Variants in MED12 observed in about 807,000 individuals in gnomAD.
The protein encoded by MED12 is mediator of RNA polymerase II transcription subunit 12.
Under a neutral mutation model 177.7 loss-of-function variants are expected in MED12, and 10 were observed. The observed-to-expected ratio is 0.06, with a 90% confidence interval of 0.03 to 0.10. The LOEUF (loss-of-function observed/expected upper bound fraction) is 0.10, where lower values mean the gene tolerates loss of function less well. Ranked by LOEUF, MED12 falls within the 10% of genes least tolerant of loss-of-function variation. MED12 has a pLI of 1.00. For synonymous variants in MED12, 641 were observed against 678.4 expected, an observed-to-expected ratio of 0.94 and a Z score of 0.86; for missense variants, 867 against 1,780.8, an observed-to-expected ratio of 0.49 and a Z score of 9.23.
At chrX:71,130,348 T>C (rs1481475781) in intron 28 of MED12, 134 bp downstream of exon 28, 19 of 600,397 alleles carry the variant, frequency 3.2e-5, no homozygotes, top group Non-Finnish European at 4.1e-5. Flanking sequence ...AGGGGAGAGG[T>C]AGCGAGAGAA....
chrX:71,126,157 G>T lies in MED12; in HGVS notation c.2541+3G>T. ...ACCAACACCAGGTCACGGCTCAGGT[G>T]TGGGCCTAAGCCCAGCCCCTTTCCC... On this transcript the variant is annotated splice_donor_region_variant and intron_variant, in intron 18 of 44. Coordinates refer to ENST00000374080, the MANE Select transcript of MED12 (RefSeq NM_005120.3). 8.4e-7 allele frequency: 1 copy of T among 1,189,355 alleles called. No individual in the cohort carries two copies. The highest frequency in any genetic ancestry group is 3.0e-5 in the East Asian group (1 of 33,775).
In MED12 at chrX:71,120,041, G is replaced by A. The variant is rs1382611492; in HGVS notation, c.424G>A (p.Val142Met). The change falls in exon 4 of 45, where the codon GTG becomes ATG. Residue 142 changes from valine (V) to methionine (M), a missense_variant. Transcript: ENST00000374080. ...CCCCATTTTCAGTAAGAAGGAAGAG[G>A]TGTTTGGGTACTTAGCCAAATACAC... ...KVPIFSKKEEVFGYLAKYTVP... is the reference protein window; with the variant it reads ...KVPIFSKKEEMFGYLAKYTVP... The A allele has an allele frequency of 8.3e-7, 1 of 1,211,838 alleles. No homozygotes were observed. The highest frequency in any genetic ancestry group is 3.0e-5 in the East Asian group (1 of 33,843).
intron 15 of MED12, 44 bp from the exon 16 acceptor site, chrX:71,125,307 G>A (rs761334052): frequency 1.7e-6 from 2 of 1,209,434 alleles, no homozygotes; most frequent in East Asian, 5.9e-5. Context: ...CAAGAGGAGG[G>A]AAGGAGATCG....
Position 71,130,228 on chromosome X carries a change from G to T in MED12, c.4047+14G>T, listed in dbSNP as rs774488297. On this transcript the variant is annotated intron_variant, in intron 28 of 44. Coordinates refer to ENST00000374080, the MANE Select transcript of MED12 (RefSeq NM_005120.3). ...CGCATTCTCCAGGTAGGCCAAGGCC[G>T]TGGGGGCTGTGGAGGAAGCAGTGGG... The T allele has an allele frequency of 8.4e-7, 1 of 1,196,183 alleles. No individual in the cohort carries two copies. Among genetic ancestry groups the T allele is most frequent in the South Asian group, 1.8e-5 (1 of 54,901 alleles).
At chrX:71,123,911 A>G (rs1008014795) in intron 12 of MED12, among the ~76,000 whole-genome samples, 191 bp downstream of exon 12, 2 of 112,810 alleles carry the variant, frequency 1.8e-5, no homozygotes, top group Non-Finnish European at 3.7e-5. Context: ...AGAGAAATAC[A>G]GAGAAGGATA....
rs1459490134 is a variant in MED12 at position 71,121,088 on chromosome X, A to G, written c.671A>G (p.His224Arg). 4 of 1,211,003 alleles carry G rather than the reference A, an allele frequency of 3.3e-6. No individual in the cohort carries two copies. The highest frequency in any genetic ancestry group is 1.8e-5 in the South Asian group (1 of 56,883). Residue 224 changes from histidine (H) to arginine (R), a missense_variant, in exon 5 of 45, where the codon CAT becomes CGT. Transcript: ENST00000374080. Reference sequence around the variant, plus strand: ...GGTTCCACGATAGGGCCCTTGCCCCATGATGTAGAGGTGGCAATCCGGCAG... The same window carrying G: ...GGTTCCACGATAGGGCCCTTGCCCCGTGATGTAGAGGTGGCAATCCGGCAG... ...GCGSTIGPLP[H>R]DVEVAIRQWD... is the part of the protein sequence containing the mutation.
intron 42 of MED12, among the ~76,000 whole-genome samples, 182 bp downstream of exon 42, chrX:71,141,039 A>G (rs952769339): frequency 1.8e-5 from 2 of 109,855 alleles, no homozygotes; most frequent in Non-Finnish European, 3.8e-5. Context: ...TGGGGATCAT[A>G]GTGGGAGAGA....
At position 71,131,946 on chromosome X, in the gene MED12, G is replaced by A. The variant is rs569708407; in HGVS notation, c.4120-127G>A. The A allele has an allele frequency of 6.5e-6, 4 of 619,946 alleles. No homozygotes were observed. The African/African-American group carries it at 6.6e-5, about 10-fold the overall frequency. 51.1% of individuals were successfully genotyped at this position (619,946 alleles called of 1,213,427 possible). On this transcript the variant is annotated intron_variant, in intron 29 of 44. Coordinates refer to ENST00000374080, the MANE Select transcript of MED12 (RefSeq NM_005120.3). ...AGGGCATGATTCCCAACAGAGTTGC[G>A]TTCCTATCTCCCCATCAATCTCCGC...
At chrX:71,123,891 TAAAC>T (rs1348433693) in intron 12 of MED12, among the ~76,000 whole-genome samples, 171 bp downstream of exon 12, 2 of 112,599 alleles carry the variant, frequency 1.8e-5, no homozygotes, top group Admixed American at 9.4e-5. Flanking sequence ...ATCTTACAGT[TAAAC>T]AGAGTAGAGA....
rs770596568 is a variant in MED12 at position 71,126,953 on chromosome X, C to A, written c.2686-16C>A. On this transcript the variant is annotated splice_polypyrimidine_tract_variant and intron_variant, in intron 19 of 44. Coordinates refer to ENST00000374080, the MANE Select transcript of MED12 (RefSeq NM_005120.3). ...AGGGGCCTCTTTGCATTTCTCACCC[C>A]CGTTTACTCTGCTAGCTGCTGAATG... The A allele has an allele frequency of 7.5e-6, 9 of 1,206,729 alleles. No homozygotes were observed. The highest frequency in any genetic ancestry group is 1.7e-5 in the African/African-American group (1 of 57,201).
intron 7 of MED12, 135 bp downstream of exon 7, chrX:71,121,951 C>T (rs757427333): frequency 1.1e-5 from 11 of 1,003,916 alleles, no homozygotes; most frequent in Non-Finnish European, 1.5e-5. Flanking sequence ...GTTGTTGTTT[C>T]TTGGTAATGG....
intron 28 of MED12, 24 bp downstream of exon 28, chrX:71,130,238 T>C (rs2092313502): frequency 2.5e-6 from 3 of 1,191,826 alleles, no homozygotes; most frequent in Non-Finnish European, 3.4e-6. Flanking sequence ...GTGGGGGCTG[T>C]GGAGGAAGCA....
chrX:71,119,935 C>T (rs1445401282), intron 3 of MED12, 58 bp downstream of exon 3: 7 of 1,203,276 alleles, frequency 5.8e-6, no homozygotes, highest in African/African-American at 1.8e-5. Flanking sequence ...ACCAAGTACC[C>T]TCCTATTCCC....
rs762466624 is a variant in MED12, at chrX:71,136,968, A to C, written c.5490A>C (p.Thr1830=). The change falls in exon 38 of 45, where the codon ACA becomes ACC. Residue 1830 remains threonine (T), a synonymous_variant. Transcript: ENST00000374080. ...ACCACCCAAACCCTGGTTCTATAAC[A>C]CACCTTAACTACAGGCAAGGCTCCA... The part of the protein sequence containing the change: ...LLHHPNPGSI[T]HLNYRQGSIG... 6.1e-5 allele frequency: 74 copies of C among 1,206,283 alleles called. No homozygotes were observed. In the Admixed American group the frequency reaches 1.5e-3, roughly 25 times the overall value.
At chrX:71,125,314 A>G in intron 15 of MED12, 37 bp from the exon 16 acceptor site, 2 of 1,208,804 alleles carry the variant, frequency 1.7e-6, no homozygotes, top group South Asian at 1.8e-5. Context: ...AGGGAAGGAG[A>G]TCGGTGCTGG....
chrX:71,127,100 C>T lies in MED12; in HGVS notation c.2817C>T (p.Leu939=), dbSNP rs2092305177. The T allele has an allele frequency of 8.3e-7, 1 of 1,211,390 alleles. No individual in the cohort carries two copies. The highest frequency in any genetic ancestry group is 1.1e-6 in the Non-Finnish European group (1 of 895,310). The stretch of plus-strand genomic sequence containing the variant: ...GGCACTATCATGCCTGCCTCATCCT[C>T]AACCAGGACCAGATGGCACAGGTCT... ...VLRHYHACLI[L]NQDQMAQVFE... The change falls in exon 20 of 45, where the codon CTC becomes CTT. Residue 939 remains leucine (L), a synonymous_variant. Coordinates refer to ENST00000374080, the MANE Select transcript of MED12 (RefSeq NM_005120.3).
rs748729900 is a variant in MED12 at position 71,128,470 on chromosome X, G to A, written c.3354+30G>A. On this transcript the variant is annotated intron_variant, in intron 23 of 44. Transcript: ENST00000374080. ...GACTTGGGGTGGGGTTTTGCTAGTG[G>A]GGCAGTGACCAGGGCAGGGGGCTGG... The A allele has an allele frequency of 5.0e-6, 6 of 1,210,740 alleles. No individual in the cohort carries two copies. In the Admixed American group the frequency reaches 1.3e-4, roughly 26 times the overall value.
In MED12 at chrX:71,136,615, C is replaced by G. The variant is rs1444442163; in HGVS notation, c.5360C>G (p.Thr1787Ser). 8.3e-7 allele frequency: 1 copy of G among 1,205,622 alleles called. No individual in the cohort carries two copies. The highest frequency in any genetic ancestry group is 1.8e-5 in the African/African-American group (1 of 56,705). ...ACTGAGGAACGCAAGAAGAAGTCCA[C>G]CAAGGGCAAGAAACGCAGCCAGCCA... The part of the protein sequence containing the change: ...PSTEERKKKS[T>S]KGKKRSQPAT... The change falls in exon 37 of 45, where the codon ACC becomes AGC. Residue 1787 changes from threonine to serine, a missense_variant. Coordinates refer to ENST00000374080, the MANE Select transcript of MED12 (RefSeq NM_005120.3).
Position 71,122,318 on chromosome X carries a change from C to T in MED12, c.1220C>T (p.Pro407Leu). ...LPIAPSNLPM[P>L]EGNSAFTQQV... ...ATTGCCCCGTCCAACCTGCCCATGC[C>T]AGAGGGTAACAGTGCCTTCACTCAG... The change falls in exon 8 of 45, where the codon CCA becomes CTA. Residue 407 changes from proline (P) to leucine (L), a missense_variant. Pro to Leu is a moderately conservative substitution (Grantham distance 98). Transcript: ENST00000374080. 1 of 1,211,876 alleles carries T rather than the reference C, an allele frequency of 8.3e-7. No homozygotes were observed. The highest frequency in any genetic ancestry group is 1.1e-6 in the Non-Finnish European group (1 of 895,487).
Sources: allele counts gnomAD v4.1 joint callset (sites outside exome capture counted in the v4.1 genomes callset), GRCh38; gene constraint gnomAD v4.1.1; transcripts MANE v1.5; gene names NCBI Gene and HGNC (gene_info 2026-07-23, HGNC 2026-07-21).